HNRNPC: variants seen among roughly 807,000 people sequenced by gnomAD.
HNRNPC encodes heterogeneous nuclear ribonucleoproteins C1/C2.
A neutral mutation model predicts 33.2 loss-of-function variants in HNRNPC; 3 were observed. The observed-to-expected ratio is 0.09, with a 90% CI of 0.04 to 0.23. HNRNPC has a LOEUF of 0.23. Ranked by LOEUF, HNRNPC falls within the 10% of genes least tolerant of loss-of-function variation. The pLI, the probability that HNRNPC is intolerant of heterozygous loss-of-function variation, is 1.00. For missense variants in HNRNPC, 143 were observed against 366.7 expected (o/e 0.39, Z 4.98); for synonymous variants, 121 against 126.7 (o/e 0.96, Z 0.30).
At chr14:21,227,635 T>A (rs1327104250) in intron 5 of HNRNPC, among the ~76,000 whole-genome samples, 1 of 152,222 alleles carries the variant, frequency 6.6e-6, no homozygotes, top group Admixed American at 6.5e-5. Context: ...TGTGAAGATA[T>A]TTCTGCAAAC....
intron 2 of HNRNPC, among the ~76,000 whole-genome samples, chr14:21,247,089 G>A (rs1292988218): frequency 6.6e-6 from 1 of 152,108 alleles, no homozygotes; most frequent in Non-Finnish European, 1.5e-5. Flanking sequence ...GGGGGTGCTG[G>A]CAGCTGGTGC....
intron 6 of HNRNPC, 79 bp from the exon 7 acceptor site, chr14:21,212,002 C>T: frequency 1.8e-6 from 2 of 1,102,246 alleles, no homozygotes; most frequent in Non-Finnish European, 2.7e-6. Context: ...CACCAGACTA[C>T]ATCAGGAGCT....
intron 3 of HNRNPC, chr14:21,231,484 A>T: frequency 4.5e-6 from 2 of 443,486 alleles, no homozygotes; most frequent in South Asian, 3.2e-5. Flanking sequence ...AGTAGCAGGG[A>T]CCACCACGCC....
At chr14:21,220,646 A>G (rs558427629) in intron 5 of HNRNPC, among the ~76,000 whole-genome samples, 18 of 152,326 alleles carry the variant, frequency 1.2e-4, no homozygotes, top group African/African-American at 4.1e-4. Context: ...AATAATCCAT[A>G]AATCACACAA....
chr14:21,214,263 C>T (rs994756939), intron 5 of HNRNPC, among the ~76,000 whole-genome samples: 3 of 152,140 alleles, frequency 2.0e-5, no homozygotes, highest in Non-Finnish European at 2.9e-5. Flanking sequence ...TTATTAATCA[C>T]CTTTGTCATG....
At chr14:21,243,708 G>A (rs964737199) in intron 2 of HNRNPC, among the ~76,000 whole-genome samples, 1 of 152,084 alleles carries the variant, frequency 6.6e-6, no homozygotes, top group Admixed American at 6.5e-5. Flanking sequence ...CCCTATATCT[G>A]TATTCATTAA....
At chr14:21,245,052 T>C (rs1594284659) in intron 2 of HNRNPC, among the ~76,000 whole-genome samples, 1 of 119,934 alleles carries the variant, frequency 8.3e-6, no homozygotes, top group South Asian at 2.6e-4. Flanking sequence ...ACCACTGCAC[T>C]CCAGCCTGGG....
At chr14:21,265,115 G>A (rs999992938) in intron 1 of HNRNPC, 2 of 152,224 alleles carry the variant, frequency 1.3e-5, no homozygotes, top group East Asian at 1.9e-4. Flanking sequence ...AAAAAGAACA[G>A]TGTAGGAATG....
rs998592638 is a variant in HNRNPC at position 21,242,510 on chromosome 14, A to C, written c.-36-8281T>G. On this transcript the variant is annotated intron_variant, in intron 2 of 8. Coordinates refer to ENST00000553300, the MANE Select transcript of HNRNPC (RefSeq NM_004500.4). ...AAAAGATGTTAAGACACATTATTTA[A>C]AATTTATTTACATTGGTGAGGACTT... Among the ~76,000 whole-genome samples, 11 of 152,304 alleles carry C rather than the reference A, an allele frequency of 7.2e-5. No individual in the cohort carries two copies. The East Asian group carries it at 1.5e-3, about 21-fold the overall frequency.
intron 2 of HNRNPC, among the ~76,000 whole-genome samples, chr14:21,260,591 G>C (rs1878068078): frequency 6.6e-6 from 1 of 151,936 alleles, no homozygotes; most frequent in African/African-American, 2.4e-5. Context: ...GGCTGAGGCG[G>C]GTGGATCACC....
At chr14:21,219,247 G>A (rs1036247214) in intron 5 of HNRNPC, among the ~76,000 whole-genome samples, 5 of 152,094 alleles carry the variant, frequency 3.3e-5, no homozygotes, top group African/African-American at 7.2e-5. Flanking sequence ...ATGATTGCTA[G>A]GCAACAGAGT....
chr14:21,213,361 A>G (rs929430051), intron 5 of HNRNPC: 5 of 445,308 alleles, frequency 1.1e-5, no homozygotes, highest in Admixed American at 3.9e-5. Flanking sequence ...AATAAAACAT[A>G]TATCAAATTA....
intron 3 of HNRNPC, among the ~76,000 whole-genome samples, 183 bp downstream of exon 3, chr14:21,233,770 C>A (rs1048333107): frequency 3.9e-5 from 6 of 151,996 alleles, no homozygotes; most frequent in African/African-American, 1.5e-4. Context: ...CAAAATGGTA[C>A]AATGAAGAAT....
At chr14:21,219,122 A>AAAGAAG (rs1555351427) in intron 5 of HNRNPC, among the ~76,000 whole-genome samples, 16 of 150,486 alleles carry the variant, frequency 1.1e-4, no homozygotes, top group African/African-American at 1.5e-4. Flanking sequence ...AAAAAAAAAA[A>AAAGAAG]AAGAAGAAAA....
chr14:21,218,878 G>A (rs931304276), intron 5 of HNRNPC, among the ~76,000 whole-genome samples: 4 of 151,712 alleles, frequency 2.6e-5, no homozygotes, highest in South Asian at 4.2e-4. Flanking sequence ...ATGGGAGGCC[G>A]AGGAGGGCAG....
At position 21,243,877 on chromosome 14, in the gene HNRNPC, T is replaced by C. The variant is rs530015284; in HGVS notation, c.-36-9648A>G. On this transcript the variant is annotated intron_variant, in intron 2 of 8. Transcript: ENST00000553300. ...CTACCACGTAGAGGTTCTAACACTATAATAATTACATATTAGTAAAATATA... is the reference window on the plus strand; with the variant it reads ...CTACCACGTAGAGGTTCTAACACTACAATAATTACATATTAGTAAAATATA... Among the ~76,000 whole-genome samples, 25 of 152,298 alleles carry C rather than the reference T, an allele frequency of 1.6e-4. No individual in the cohort carries two copies. The South Asian group carries it at 4.8e-3, about 29-fold the overall frequency.
chr14:21,230,933 A>C lies in HNRNPC; in HGVS notation c.317+64T>G, dbSNP rs1209679770. ...AGATGCCCACTGATGGACACAATGC[A>C]GTTATAAATAATAAAGTTCCGGACC... On this transcript the variant is annotated intron_variant, in intron 4 of 8. Coordinates refer to ENST00000553300, the MANE Select transcript of HNRNPC (RefSeq NM_004500.4). 9.5e-6 allele frequency: 15 copies of C among 1,572,688 alleles called. No homozygotes were observed. The East Asian group carries it at 3.4e-4, about 35-fold the overall frequency.
At position 21,269,404 on chromosome 14, in the gene HNRNPC, G is replaced by A. The variant is rs755041697; in HGVS notation, c.-169C>T. On this transcript the variant is annotated 5_prime_UTR_variant, in exon 1 of 9. Coordinates refer to ENST00000553300, the MANE Select transcript of HNRNPC (RefSeq NM_004500.4). ...TCGGCAACGCGGCCACAACCGCTCA[G>A]TCTTCGTCTCTTCACAAAATGGCCC... is the stretch of plus-strand genomic sequence containing the variant. 1 of 154,862 alleles carries A rather than the reference G, an allele frequency of 6.5e-6. No individual in the cohort carries two copies. The highest frequency in any genetic ancestry group is 2.4e-5 in the African/African-American group (1 of 41,528). The allele number at this position is 154,862 out of a possible 1,614,324, so 9.6% of individuals were successfully genotyped here.
chr14:21,219,027 T>G (rs1892534719), intron 5 of HNRNPC, among the ~76,000 whole-genome samples: 1 of 150,062 alleles, frequency 6.7e-6, no homozygotes, highest in Non-Finnish European at 1.5e-5. Flanking sequence ...GGAGAATCGC[T>G]TGAACCCAGG....
Sources: gnomAD v4.1 joint callset for allele counts (sites outside exome capture counted in the v4.1 genomes callset) on GRCh38, gnomAD v4.1.1 for gene constraint, MANE v1.5 for transcripts, NCBI Gene and HGNC (gene_info 2026-07-23, HGNC 2026-07-21) for gene names.